Variants in BABAM2 observed in about 807,000 individuals in gnomAD.
BABAM2 encodes BRISC and BRCA1-A complex member 2.
A neutral mutation model predicts 54.7 loss-of-function variants in BABAM2; 31 were observed. The ratio of observed to expected loss-of-function variants is 0.57; its 90% confidence interval spans 0.43 to 0.77. The LOEUF (loss-of-function observed/expected upper bound fraction) is 0.77, where lower values mean the gene tolerates loss of function less well. Among genes scored for constraint, BABAM2 ranks in the 30% least tolerant of loss-of-function variants. The pLI is 0.00. For synonymous variants in BABAM2, 167 were observed against 162.9 expected, an observed-to-expected ratio of 1.03 and a Z score of -0.19; for missense variants, 364 against 455.8, an observed-to-expected ratio of 0.80 and a Z score of 1.83.
chr2:28,103,822 T>G (rs144018998), intron 6 of BABAM2, among the ~76,000 whole-genome samples: 74 of 152,354 alleles, frequency 4.9e-4, no homozygotes, highest in African/African-American at 1.7e-3. Flanking sequence ...GAGTCAGCAG[T>G]TTAGTTGTCC....
chr2:28,008,688 C>G (rs1467559970), intron 4 of BABAM2, among the ~76,000 whole-genome samples: 1 of 152,114 alleles, frequency 6.6e-6, no homozygotes, highest in African/African-American at 2.4e-5. Flanking sequence ...AGAATGATCA[C>G]ACCATTGAGT....
At chr2:28,141,470 C>G (rs1671049217) in intron 7 of BABAM2, among the ~76,000 whole-genome samples, 2 of 152,096 alleles carry the variant, frequency 1.3e-5, no homozygotes, top group African/African-American at 4.8e-5. Flanking sequence ...TAACATAATT[C>G]TGATGTTAGG....
chr2:28,020,206 G>A (rs989889892), intron 4 of BABAM2, among the ~76,000 whole-genome samples: 2 of 152,174 alleles, frequency 1.3e-5, no homozygotes, highest in Admixed American at 1.3e-4. Context: ...TTGTGTAGAA[G>A]AGACAATTGG....
At position 28,063,080 on chromosome 2, in the gene BABAM2, C is replaced by A. The variant is rs182957784; in HGVS notation, c.570+17281C>A. ...ACTGTCTAGTGCAGTTCCCCTTCTG[C>A]CTGGCAGGGGTTAGTTTAAGAACTG... On this transcript the variant is annotated intron_variant, in intron 6 of 11. Coordinates refer to ENST00000379624, the MANE Select transcript of BABAM2 (RefSeq NM_199191.3). Among the ~76,000 whole-genome samples, 355 of 152,278 alleles carry A rather than the reference C, an allele frequency of 2.3e-3. 2 individuals carry two copies. Among genetic ancestry groups the A allele is most frequent in the Non-Finnish European group, 4.0e-3 (275 of 68,018 alleles).
intron 3 of BABAM2, among the ~76,000 whole-genome samples, chr2:27,983,809 T>A (rs1214006243): frequency 1.3e-5 from 2 of 152,032 alleles, no homozygotes; most frequent in Non-Finnish European, 2.9e-5. Context: ...ATCTTGTATC[T>A]TGCAACCTTG....
intron 2 of BABAM2, among the ~76,000 whole-genome samples, chr2:27,905,851 A>G (rs1048927398): frequency 7.9e-5 from 12 of 152,228 alleles, no homozygotes; most frequent in African/African-American, 2.7e-4. Context: ...CTACGGAGGT[A>G]GGAGAAAAAT....
intron 7 of BABAM2, among the ~76,000 whole-genome samples, chr2:28,217,398 C>T (rs2148004107): frequency 6.6e-6 from 1 of 152,272 alleles, no homozygotes; most frequent in East Asian, 1.9e-4. Flanking sequence ...TCAGTTTGTT[C>T]AACAAGAGCA....
At chr2:28,037,487 C>T (rs1676753849) in intron 5 of BABAM2, among the ~76,000 whole-genome samples, 1 of 152,000 alleles carries the variant, frequency 6.6e-6, no homozygotes, top group Non-Finnish European at 1.5e-5. Context: ...TGCTTCTAAT[C>T]TTTTGCTATT....
intron 11 of BABAM2, chr2:28,310,302 G>GT: frequency 2.7e-6 from 2 of 744,612 alleles, no homozygotes; most frequent in Non-Finnish European, 4.3e-6. Context: ...TGCAGACCAG[G>GT]CTGCACCAGG....
At chr2:28,212,967 C>T (rs1009381971) in intron 7 of BABAM2, among the ~76,000 whole-genome samples, 1 of 152,008 alleles carries the variant, frequency 6.6e-6, no homozygotes, top group Non-Finnish European at 1.5e-5. Flanking sequence ...ACCTGTAATC[C>T]CAGCACTTTG....
intron 7 of BABAM2, among the ~76,000 whole-genome samples, chr2:28,230,587 G>A (rs1269114572): frequency 6.6e-6 from 1 of 151,208 alleles, no homozygotes; most frequent in Non-Finnish European, 1.5e-5. Context: ...AGCCAGGCAT[G>A]TTGGTGCACA....
At position 28,136,207 on chromosome 2, in the gene BABAM2, G is replaced by A. The variant is rs12328005; in HGVS notation, c.680+6827G>A. 7.6e-3 allele frequency among the ~76,000 whole-genome samples: 1,152 copies of A among 152,246 alleles called. 13 individuals are homozygous for A. Among genetic ancestry groups the A allele is most frequent in the African/African-American group, 0.025 (1,029 of 41,534 alleles). Reference sequence around the variant, plus strand: ...TTTATTTACCTCCCCCACAGGGTCCGTTAAAGTCCTGCCCATGTTCTTAGA... The same window carrying A: ...TTTATTTACCTCCCCCACAGGGTCCATTAAAGTCCTGCCCATGTTCTTAGA... On this transcript the variant is annotated intron_variant, in intron 7 of 11. Transcript: ENST00000379624.
chr2:28,185,396 C>T (rs1178338593), intron 7 of BABAM2, among the ~76,000 whole-genome samples: 1 of 152,142 alleles, frequency 6.6e-6, no homozygotes, highest in Non-Finnish European at 1.5e-5. Context: ...TAAAATCTGT[C>T]GTGGTAACAT....
intron 11 of BABAM2, among the ~76,000 whole-genome samples, chr2:28,324,429 A>C (rs1690272480): frequency 6.6e-6 from 1 of 152,164 alleles, no homozygotes; most frequent in African/African-American, 2.4e-5. Flanking sequence ...GGAGTCAAGC[A>C]GCTCTGGATT....
intron 10 of BABAM2, among the ~76,000 whole-genome samples, chr2:28,277,398 C>T (rs778096934): frequency 1.3e-5 from 2 of 152,190 alleles, no homozygotes; most frequent in African/African-American, 4.8e-5. Context: ...AGCCACTGTT[C>T]CCGGCCCATA....
At chr2:28,267,789 C>T (rs1260122004) in intron 10 of BABAM2, among the ~76,000 whole-genome samples, 3 of 152,202 alleles carry the variant, frequency 2.0e-5, no homozygotes, top group Admixed American at 6.5e-5. Context: ...TTTGGCTCCA[C>T]CTCACTGCAG....
rs1478594036 is a variant in BABAM2, at chr2:28,223,478, CA to C, written c.681-13723del. On this transcript the variant is annotated intron_variant, in intron 7 of 11. Transcript: ENST00000379624. ...AGGAGAGAGGGTCCTTACAAGCAAG[CA>C]CCTGCCTACAGCCCCTTAAACTGGC... Among the ~76,000 whole-genome samples the C allele has an allele frequency of 2.0e-5, 3 of 152,340 alleles. No individual in the cohort carries two copies. In the East Asian group the frequency reaches 5.8e-4, roughly 29 times the overall value.
intron 3 of BABAM2, among the ~76,000 whole-genome samples, chr2:27,935,870 T>G: frequency 6.6e-6 from 1 of 152,216 alleles, no homozygotes; most frequent in Non-Finnish European, 1.5e-5. Context: ...GACATCATTG[T>G]TAGCATTTTT....
At chr2:27,948,624 A>G (rs1165230298) in intron 3 of BABAM2, among the ~76,000 whole-genome samples, 4 of 152,126 alleles carry the variant, frequency 2.6e-5, no homozygotes, top group African/African-American at 9.7e-5. Context: ...TACAAAAATC[A>G]CTTAGGCATG....
Sources: allele counts gnomAD v4.1 joint callset (sites outside exome capture counted in the v4.1 genomes callset), GRCh38; gene constraint gnomAD v4.1.1; transcripts MANE v1.5; gene names NCBI Gene and HGNC (gene_info 2026-07-23, HGNC 2026-07-21).